SMYD4: variants seen among roughly 807,000 people sequenced by gnomAD.
SMYD4 encodes protein-lysine N-methyltransferase SMYD4.
In SMYD4, 68 loss-of-function variants were observed where a neutral mutation model predicts 72.8. The observed-to-expected ratio is 0.93, with a 90% CI of 0.77 to 1.14. SMYD4 has a LOEUF of 1.14. Among genes scored for constraint, SMYD4 ranks in the 50% most tolerant of loss-of-function variants. SMYD4 has a pLI of 0.00. For synonymous variants in SMYD4, 407 were observed against 388.6 expected (o/e 1.05, Z -0.56); for missense variants, 984 against 1,003.7 (o/e 0.98, Z 0.27).
intron 2 of SMYD4, among the ~76,000 whole-genome samples, chr17:1,818,499 G>A (rs1187418129): frequency 6.6e-6 from 1 of 152,050 alleles, no homozygotes; most frequent in East Asian, 1.9e-4. Context: ...AAAATTAACA[G>A]TAATTCAAAT....
intron 3 of SMYD4, among the ~76,000 whole-genome samples, chr17:1,807,040 G>A (rs1196514896): frequency 2.0e-5 from 3 of 151,866 alleles, no homozygotes; most frequent in Admixed American, 6.6e-5. Flanking sequence ...ACAGGCACAC[G>A]CCACCATGCC....
chr17:1,811,584 T>C (rs1268686633), intron 3 of SMYD4, among the ~76,000 whole-genome samples: 1 of 152,220 alleles, frequency 6.6e-6, no homozygotes, highest in Non-Finnish European at 1.5e-5. Flanking sequence ...ACACTGGCTA[T>C]ACAATTTAGC....
chr17:1,793,172 C>G (rs1909154574), intron 5 of SMYD4, among the ~76,000 whole-genome samples: 1 of 152,092 alleles, frequency 6.6e-6, no homozygotes, highest in South Asian at 2.1e-4. Flanking sequence ...CTGCCTCAGC[C>G]TTCCAAAGTG....
chr17:1,799,068 G>A (rs534244310), intron 5 of SMYD4, among the ~76,000 whole-genome samples: 41 of 151,786 alleles, frequency 2.7e-4, no homozygotes, highest in Admixed American at 1.2e-3. Flanking sequence ...TCAGGAGATC[G>A]AGACCATGGT....
intron 4 of SMYD4, among the ~76,000 whole-genome samples, chr17:1,802,489 C>T (rs111424568): frequency 7.7e-4 from 117 of 151,118 alleles, no homozygotes; most frequent in African/African-American, 2.6e-3. Flanking sequence ...GACCCTGTCT[C>T]AAAAATAAAA....
intron 3 of SMYD4, 40 bp downstream of exon 3, chr17:1,811,931 A>G: frequency 6.2e-7 from 1 of 1,602,982 alleles, no homozygotes; most frequent in Non-Finnish European, 8.5e-7. Context: ...TGTCTCAGAG[A>G]AAAATAAATA....
In SMYD4 at chr17:1,794,309, C is replaced by T. The variant is rs550969255; in HGVS notation, c.1537+5548G>A. On this transcript the variant is annotated intron_variant, in intron 5 of 10. Transcript: ENST00000305513. The stretch of plus-strand genomic sequence containing the variant: ...TTTTTTTTTGTATTTTTAGTAGAGA[C>T]GGGGTTTCACCGTGTTAGCCAGGAT... Among the ~76,000 whole-genome samples, 246 of 142,344 alleles carry T rather than the reference C, an allele frequency of 1.7e-3. 1 individual carries two copies. Among genetic ancestry groups the T allele is most frequent in the Middle Eastern group, 0.011 (3 of 278 alleles). 93.4% of individuals were successfully genotyped at this position (142,344 alleles called of 152,430 possible).
At position 1,782,969 on chromosome 17, in the gene SMYD4, A is replaced by G. The variant is rs904570578; in HGVS notation, c.2261+66T>C. ...TGCTTTTAAAAACACCATAGAAAAAAAGTAATACCCAGAAGAGCCTAGGAA... is the reference window on the plus strand; with the variant it reads ...TGCTTTTAAAAACACCATAGAAAAAGAGTAATACCCAGAAGAGCCTAGGAA... On this transcript the variant is annotated intron_variant, in intron 10 of 10. Transcript: ENST00000305513. 6.4e-6 allele frequency: 10 copies of G among 1,553,288 alleles called. No individual in the cohort carries two copies. The African/African-American group carries it at 1.4e-4, about 22-fold the overall frequency.
chr17:1,794,007 G>GTATA (rs373859746), intron 5 of SMYD4, among the ~76,000 whole-genome samples: 3,419 of 81,162 alleles, frequency 0.042, 277 homozygotes, highest in African/African-American at 0.16. Flanking sequence ...ATATATATAT[G>GTATA]TATATATATA....
rs1909614680 is a variant in SMYD4 at position 1,799,907 on chromosome 17, A to G, written c.1487T>C (p.Met496Thr). ...TIWGVAMLRHMLQLQCNAQAM... is the reference protein window; with the variant it reads ...TIWGVAMLRHTLQLQCNAQAM... ...CTGAGCGTTACACTGAAGCTGTAAC[A>G]TGTGTCTCAGCATCGCCACTCCCCA... Residue 496 changes from methionine to threonine, a missense_variant, in exon 5 of 11, where the codon ATG becomes ACG. Met to Thr is a moderately conservative substitution (Grantham distance 81). Coordinates refer to ENST00000305513, the MANE Select transcript of SMYD4 (RefSeq NM_052928.3). The G allele has an allele frequency of 5.6e-6, 9 of 1,613,520 alleles. No individual in the cohort carries two copies. Among genetic ancestry groups the G allele is most frequent in the Non-Finnish European group, 6.8e-6 (8 of 1,179,586 alleles).
intron 5 of SMYD4, among the ~76,000 whole-genome samples, chr17:1,791,041 G>T (rs533953858): frequency 1.3e-5 from 2 of 149,782 alleles, no homozygotes; most frequent in East Asian, 4.0e-4. Context: ...GCAGGAGAAC[G>T]GAGTGAACCC....
intron 3 of SMYD4, among the ~76,000 whole-genome samples, chr17:1,806,696 T>G (rs1362308548): frequency 6.6e-6 from 1 of 152,194 alleles, no homozygotes; most frequent in Admixed American, 6.5e-5. Context: ...ATCCTCATTA[T>G]GCTGTTAGTG....
chr17:1,785,205 T>C lies in SMYD4; in HGVS notation c.1885-744A>G, dbSNP rs1469169288. ...TGGGAGGGCGAGGCGGGTGGATCCA[T>C]GAGGTCAGGAGATCGAGACCATCCT... On this transcript the variant is annotated intron_variant, in intron 7 of 10. Coordinates refer to ENST00000305513, the MANE Select transcript of SMYD4 (RefSeq NM_052928.3). 2.1e-3 allele frequency among the ~76,000 whole-genome samples: 310 copies of C among 146,240 alleles called. 1 individual carries two copies. Among genetic ancestry groups the C allele is most frequent in the South Asian group, 8.7e-3 (40 of 4,622 alleles).
At chr17:1,812,359 T>A (rs1015188958) in intron 2 of SMYD4, among the ~76,000 whole-genome samples, 1 of 151,970 alleles carries the variant, frequency 6.6e-6, no homozygotes, top group Non-Finnish European at 1.5e-5. Flanking sequence ...CCATCTCCAC[T>A]CACTGCAGCC....
chr17:1,801,949 C>A (rs1167447737), intron 4 of SMYD4, among the ~76,000 whole-genome samples: 4 of 152,006 alleles, frequency 2.6e-5, no homozygotes, highest in Admixed American at 2.6e-4. Flanking sequence ...GAACTCCAGC[C>A]TGGGTGACAG....
Position 1,800,335 on chromosome 17 carries a change from C to T in SMYD4, c.1059G>A (p.Arg353=), listed in dbSNP as rs1207192431. ...TLGVFCHIAL[R]LTLLVGFEDV... is the part of the protein sequence containing the mutation. ...CCTCAAATCCCACCAAAAGAGTCAA[C>T]CTCAGGGCAATGTGGCAAAAGACAC... is the stretch of plus-strand genomic sequence containing the variant. Residue 353 remains arginine, a synonymous_variant, in exon 5 of 11, where the codon AGG becomes AGA. Coordinates refer to ENST00000305513, the MANE Select transcript of SMYD4 (RefSeq NM_052928.3). 3 of 1,614,144 alleles carry T rather than the reference C, an allele frequency of 1.9e-6. No individual in the cohort carries two copies. Among genetic ancestry groups the T allele is most frequent in the South Asian group, 1.1e-5 (1 of 91,080 alleles).
intron 3 of SMYD4, among the ~76,000 whole-genome samples, chr17:1,809,913 G>A (rs1371038215): frequency 7.2e-5 from 11 of 152,030 alleles, no homozygotes; most frequent in South Asian, 2.1e-4. Flanking sequence ...CACCCACCTC[G>A]GCCTCCCAAA....
intron 5 of SMYD4, among the ~76,000 whole-genome samples, chr17:1,794,225 T>A (rs1470510490): frequency 3.5e-5 from 5 of 143,128 alleles, no homozygotes; most frequent in Non-Finnish European, 6.0e-5. Flanking sequence ...GTCTCCTGCC[T>A]CAGCCTCCCA....
chr17:1,823,804 C>T (rs1021547352), intron 2 of SMYD4, among the ~76,000 whole-genome samples: 1 of 152,138 alleles, frequency 6.6e-6, no homozygotes, highest in African/African-American at 2.4e-5. Flanking sequence ...ACAGCCTCTT[C>T]CCCTGGGGTG....
Sources: gnomAD v4.1 joint callset for allele counts (sites outside exome capture counted in the v4.1 genomes callset) on GRCh38, gnomAD v4.1.1 for gene constraint, MANE v1.5 for transcripts, NCBI Gene and HGNC (gene_info 2026-07-23, HGNC 2026-07-21) for gene names.